The following CCDC15 variants were observed in gnomAD, a reference collection of about 807,000 sequenced individuals.
The protein encoded by CCDC15 is coiled-coil domain containing 15.
In CCDC15, 105 loss-of-function variants were observed where a neutral mutation model predicts 114.5. The observed-to-expected ratio is 0.92, with a 90% confidence interval of 0.78 to 1.08. The LOEUF is 1.08. CCDC15 is among the 50% of genes least tolerant of loss of function. The probability of loss-of-function intolerance (pLI) is 0.00; values close to 1 mark genes in which losing one functional copy is unlikely to be tolerated. For synonymous variants in CCDC15, 334 were observed against 377.8 expected, an observed-to-expected ratio of 0.88 and a Z score of 1.34; for missense variants, 1,105 against 1,093.6, an observed-to-expected ratio of 1.01 and a Z score of -0.15.
chr11:124,964,104 A>C (rs949409207), intron 4 of CCDC15, among the ~76,000 whole-genome samples: 1 of 152,186 alleles, frequency 6.6e-6, no homozygotes, highest in Non-Finnish European at 1.5e-5. Flanking sequence ...CTTTTTGTTT[A>C]GGATTGTCGT....
intron 6 of CCDC15, 22 bp from the exon 7 acceptor site, chr11:124,986,718 CGT>C (rs2135482193): frequency 6.5e-7 from 1 of 1,529,834 alleles, no homozygotes; most frequent in South Asian, 1.2e-5. Flanking sequence ...CGCGCGTGCG[CGT>C]TTTCATTGTT....
intron 4 of CCDC15, among the ~76,000 whole-genome samples, chr11:124,967,122 G>C (rs1259056392): frequency 6.6e-6 from 1 of 152,154 alleles, no homozygotes; most frequent in Non-Finnish European, 1.5e-5. Context: ...TTTTGGGGTT[G>C]CTCTTCTCGA....
chr11:125,014,947 A>G (rs1217586828), intron 13 of CCDC15, among the ~76,000 whole-genome samples: 2 of 152,168 alleles, frequency 1.3e-5, no homozygotes, highest in Non-Finnish European at 2.9e-5. Context: ...ATTTTTCAGA[A>G]TATGTTCTGT....
chr11:124,959,172 G>A lies in CCDC15; in HGVS notation c.235G>A (p.Ala79Thr). ...LKEQLRKKQE[A>T]LKHFQKQVKY... ...GGAACAGCTAAGAAAAAAACAAGAA[G>A]CTTTGAAACATTTTCAGAAACAAGT... Residue 79 changes from alanine to threonine, a missense_variant, in exon 3 of 16, where the codon GCT becomes ACT. Physicochemically the swap from Ala to Thr is moderately conservative, Grantham distance 58 (BLOSUM62 0). Transcript: ENST00000344762. The A allele has an allele frequency of 1.3e-6, 2 of 1,590,944 alleles. No individual in the cohort carries two copies. Among genetic ancestry groups the A allele is most frequent in the African/African-American group, 2.7e-5 (2 of 73,956 alleles).
In CCDC15 at chr11:124,968,812, A is replaced by G. The variant is rs534477672; in HGVS notation, c.517-6284A>G. ...GAATGGACCCCCCAATTCTTTTTATATTATCTCCATATGTGGCCATCTAAT... is the reference window on the plus strand; with the variant it reads ...GAATGGACCCCCCAATTCTTTTTATGTTATCTCCATATGTGGCCATCTAAT... On this transcript the variant is annotated intron_variant, in intron 4 of 15. Transcript: ENST00000344762. Among the ~76,000 whole-genome samples the G allele has an allele frequency of 1.5e-4, 23 of 152,148 alleles. No homozygotes were observed. In the East Asian group the frequency reaches 1.7e-3, roughly 12 times the overall value.
intron 4 of CCDC15, among the ~76,000 whole-genome samples, chr11:124,961,693 T>G (rs924334161): frequency 1.3e-5 from 2 of 152,068 alleles, no homozygotes; most frequent in African/African-American, 4.8e-5. Context: ...GACTGGCTAA[T>G]TTTTGTATTT....
At chr11:125,009,227 CA>C (rs5795440) in intron 13 of CCDC15, among the ~76,000 whole-genome samples, 136,809 of 138,974 alleles carry the variant, frequency 0.98, 67,325 homozygotes, top group South Asian at 0.99. Flanking sequence ...AACTCCGTCT[CA>C]AAAAAAAAAA....
At chr11:124,962,984 C>CT (rs1182153163) in intron 4 of CCDC15, among the ~76,000 whole-genome samples, 1 of 152,144 alleles carries the variant, frequency 6.6e-6, no homozygotes, top group Non-Finnish European at 1.5e-5. Context: ...TGAACTCATC[C>CT]TTTTTTATGG....
Position 125,038,454 on chromosome 11 carries a change from A to G in CCDC15, c.2435A>G (p.Glu812Gly). ...AGAATTAAGAAAAAGAGAGAGCAAGAATGTTATGCTGCAGAGCAGAGGATC... is the reference window on the plus strand; with the variant it reads ...AGAATTAAGAAAAAGAGAGAGCAAGGATGTTATGCTGCAGAGCAGAGGATC... ...IEKIKKKREQECYAAEQRILR... is the reference protein window; with the variant it reads ...IEKIKKKREQGCYAAEQRILR... Residue 812 changes from glutamate (E) to glycine (G), a missense_variant, in exon 14 of 16, where the codon GAA (glutamate) becomes GGA (glycine). Glu to Gly is a moderately conservative substitution (Grantham distance 98). Transcript: ENST00000344762. 1 of 1,529,394 alleles carries G rather than the reference A, an allele frequency of 6.5e-7. No homozygotes were observed. Among genetic ancestry groups the G allele is most frequent in the Non-Finnish European group, 8.8e-7 (1 of 1,142,044 alleles). The allele number at this position is 1,529,394 out of a possible 1,614,324, so 94.7% of individuals were successfully genotyped here.
At chr11:124,994,917 G>C (rs561212563) in intron 11 of CCDC15, among the ~76,000 whole-genome samples, 5 of 152,292 alleles carry the variant, frequency 3.3e-5, no homozygotes, top group Admixed American at 1.3e-4. Context: ...TAGGCTGTGT[G>C]AGAGACTGAA....
intron 13 of CCDC15, among the ~76,000 whole-genome samples, chr11:125,009,735 A>G: frequency 6.6e-6 from 1 of 152,144 alleles, no homozygotes. Flanking sequence ...GCTCCCACTT[A>G]TAAGTGAGAG....
At chr11:124,995,153 A>G (rs1045928158) in intron 11 of CCDC15, among the ~76,000 whole-genome samples, 10 of 152,044 alleles carry the variant, frequency 6.6e-5, no homozygotes, top group African/African-American at 2.4e-4. Context: ...TCTTTTGCAT[A>G]TGTTGTTTCC....
At chr11:124,980,576 C>T (rs1948055390) in intron 6 of CCDC15, among the ~76,000 whole-genome samples, 1 of 152,164 alleles carries the variant, frequency 6.6e-6, no homozygotes. Flanking sequence ...TCATCATAGT[C>T]TCCAAGGGTT....
At chr11:124,985,160 A>G (rs1486729060) in intron 6 of CCDC15, among the ~76,000 whole-genome samples, 1 of 152,180 alleles carries the variant, frequency 6.6e-6, no homozygotes, top group Non-Finnish European at 1.5e-5. Context: ...AAGTTCATCC[A>G]CATTGTAGTG....
chr11:124,989,489 T>C (rs1031967810), intron 8 of CCDC15, among the ~76,000 whole-genome samples: 1 of 152,240 alleles, frequency 6.6e-6, no homozygotes, highest in African/African-American at 2.4e-5. Flanking sequence ...CATTAGCCAC[T>C]AACAAGAGAG....
At chr11:125,011,378 C>G (rs1410261977) in intron 13 of CCDC15, among the ~76,000 whole-genome samples, 4 of 151,970 alleles carry the variant, frequency 2.6e-5, no homozygotes, top group African/African-American at 9.7e-5. Flanking sequence ...GCTGGGACCA[C>G]AGGCGTATGC....
In CCDC15 at chr11:125,002,116, A is replaced by G. The variant is rs149755918; in HGVS notation, c.2215-1751A>G. On this transcript the variant is annotated intron_variant, in intron 11 of 15. Transcript: ENST00000344762. Reference sequence around the variant, plus strand: ...GCCATCCAAGTGGGTGTGAAGTAGCATCTCACTGTACTTTTGATTTGTATT... The same window carrying G: ...GCCATCCAAGTGGGTGTGAAGTAGCGTCTCACTGTACTTTTGATTTGTATT... Among the ~76,000 whole-genome samples the G allele has an allele frequency of 1.8e-3, 280 of 152,238 alleles. 1 individual carries two copies. Among genetic ancestry groups the G allele is most frequent in the Non-Finnish European group, 2.8e-3 (190 of 68,002 alleles).
In CCDC15 at chr11:125,038,562, A is replaced by G; in HGVS notation, c.2543A>G (p.Lys848Arg). 6.3e-7 allele frequency: 1 copy of G among 1,579,306 alleles called. No homozygotes were observed. Among genetic ancestry groups the G allele is most frequent in the South Asian group, 1.2e-5 (1 of 84,248 alleles). ...GCCCAGTTACAACTTCAAGAAATAA[A>G]AGGAACCAGAGAAAAACAACAGAGA... ...ILAQLQLQEIKGTREKQQREK... is the reference protein window; with the variant it reads ...ILAQLQLQEIRGTREKQQREK... The change falls in exon 14 of 16, where the codon AAA becomes AGA. Residue 848 changes from lysine (K) to arginine (R), a missense_variant. Coordinates refer to ENST00000344762, the MANE Select transcript of CCDC15 (RefSeq NM_025004.3).
intron 13 of CCDC15, among the ~76,000 whole-genome samples, chr11:125,031,595 G>A (rs1266039278): frequency 6.6e-6 from 1 of 152,200 alleles, no homozygotes; most frequent in Non-Finnish European, 1.5e-5. Context: ...GCTAAGAGCT[G>A]TCTCTCAAAA....
Sources: allele counts gnomAD v4.1 joint callset (sites outside exome capture counted in the v4.1 genomes callset), GRCh38; gene constraint gnomAD v4.1.1; transcripts MANE v1.5; gene names NCBI Gene and HGNC (gene_info 2026-07-23, HGNC 2026-07-21).